Variants in ADCY2 observed in about 807,000 individuals in gnomAD.
ADCY2 encodes adenylate cyclase 2, also known as adenylate cyclase type 2.
ADCY2 carries 31 observed loss-of-function variants against 125.2 expected under a neutral mutation model. That is an observed-to-expected ratio of 0.25 (90% CI 0.19 to 0.33). The LOEUF is 0.33. Ranked by LOEUF, ADCY2 falls within the 10% of genes least tolerant of loss-of-function variation. ADCY2 has a pLI of 1.00. For missense variants in ADCY2, 904 were observed against 1,418.2 expected (o/e 0.64, Z 5.82); for synonymous variants, 512 against 548.4 (o/e 0.93, Z 0.93).
chr5:7,412,714 T>C (rs114541244), intron 1 of ADCY2, among the ~76,000 whole-genome samples: 1,715 of 152,320 alleles, frequency 0.011, 38 homozygotes, highest in African/African-American at 0.039. Flanking sequence ...ACTAGCCCCA[T>C]TCGGTTGAGT....
At chr5:7,523,315 TA>T (rs5865718) in intron 3 of ADCY2, among the ~76,000 whole-genome samples, 12,997 of 135,574 alleles carry the variant, frequency 0.096, 1,242 homozygotes, top group African/African-American at 0.26. Context: ...CCTGCATTGG[TA>T]AAAAAAAAAA....
At chr5:7,640,307 A>G (rs1479806510) in intron 4 of ADCY2, among the ~76,000 whole-genome samples, 5 of 152,182 alleles carry the variant, frequency 3.3e-5, no homozygotes, top group Non-Finnish European at 2.9e-5. Context: ...ACCAGATTCT[A>G]CCCTTTAAAG....
intron 21 of ADCY2, among the ~76,000 whole-genome samples, chr5:7,803,616 G>A (rs1744669367): frequency 2.0e-5 from 3 of 152,152 alleles, no homozygotes; most frequent in African/African-American, 4.8e-5. Flanking sequence ...AGTAGGGCTC[G>A]GGCCAGCTGT....
intron 17 of ADCY2, among the ~76,000 whole-genome samples, chr5:7,770,649 T>C (rs988221717): frequency 6.6e-6 from 1 of 152,190 alleles, no homozygotes; most frequent in Middle Eastern, 3.2e-3. Context: ...CAGGATTGCC[T>C]TGTTAAGATC....
At chr5:7,418,389 C>A (rs915239666) in intron 2 of ADCY2, among the ~76,000 whole-genome samples, 4 of 152,246 alleles carry the variant, frequency 2.6e-5, no homozygotes, top group African/African-American at 7.2e-5. Flanking sequence ...GTCTGCTAGG[C>A]CCTCTCACCC....
intron 2 of ADCY2, among the ~76,000 whole-genome samples, chr5:7,516,382 G>C (rs1744254515): frequency 6.6e-6 from 1 of 152,124 alleles, no homozygotes. Flanking sequence ...CTGTAAACTT[G>C]ATATCAGTCA....
At chr5:7,695,937 A>C (rs1740876748) in intron 6 of ADCY2, 74 bp downstream of exon 6, 2 of 948,370 alleles carry the variant, frequency 2.1e-6, no homozygotes, top group Non-Finnish European at 3.1e-6. Flanking sequence ...TCCACCTATC[A>C]ATAGTTTACT....
chr5:7,548,694 G>A (rs1051196067), intron 3 of ADCY2, among the ~76,000 whole-genome samples: 1 of 152,078 alleles, frequency 6.6e-6, no homozygotes, highest in African/African-American at 2.4e-5. Flanking sequence ...TGTTTTTTCA[G>A]GCTGAAGTGC....
intron 2 of ADCY2, among the ~76,000 whole-genome samples, chr5:7,427,459 G>T (rs1740426640): frequency 6.6e-6 from 1 of 152,156 alleles, no homozygotes; most frequent in South Asian, 2.1e-4. Context: ...AGTGCAAGAG[G>T]CTTATGAAAC....
Position 7,396,532 on chromosome 5 carries a change from C to T in ADCY2, c.210+26C>T. 3 of 1,540,994 alleles carry T rather than the reference C, an allele frequency of 1.9e-6. No individual in the cohort carries two copies. Among genetic ancestry groups the T allele is most frequent in the Non-Finnish European group, 2.6e-6 (3 of 1,146,000 alleles). ...GTGAGTGGCCTCCCCGCGGGTCCAG[C>T]GCCGCGCCTTCCCCGGCCCTGAGAG... On this transcript the variant is annotated intron_variant, in intron 1 of 24. Coordinates refer to ENST00000338316, the MANE Select transcript of ADCY2 (RefSeq NM_020546.3). The surrounding 1 kb of genome is among the most constrained non-coding windows in gnomAD (Gnocchi z 5.7).
Position 7,722,237 on chromosome 5 carries a change from C to T in ADCY2, c.1704-2308C>T, listed in dbSNP as rs888674501. On this transcript the variant is annotated intron_variant, in intron 12 of 24. Transcript: ENST00000338316. ...TAAGGCAAGGAAGCCTGATCCTGAGCCCTTGCCGTCCACCTGTAGGTCACA... is the reference window on the plus strand; with the variant it reads ...TAAGGCAAGGAAGCCTGATCCTGAGTCCTTGCCGTCCACCTGTAGGTCACA... 2.0e-5 allele frequency among the ~76,000 whole-genome samples: 3 copies of T among 152,232 alleles called. No individual in the cohort carries two copies. The South Asian group carries it at 6.2e-4, about 32-fold the overall frequency.
chr5:7,658,431 G>GTGTGTGTA (rs59664339), intron 4 of ADCY2, among the ~76,000 whole-genome samples: 47 of 143,014 alleles, frequency 3.3e-4, no homozygotes, highest in African/African-American at 1.2e-3. Context: ...GTGTGTGTGT[G>GTGTGTGTA]TATATATATA....
chr5:7,794,418 T>G (rs149674689), intron 20 of ADCY2: 1 of 152,280 alleles, frequency 6.6e-6, no homozygotes. Context: ...CAGGGGAGGT[T>G]TGCTAGCCAG....
At chr5:7,825,338 G>A (rs964404830) in intron 24 of ADCY2, among the ~76,000 whole-genome samples, 3 of 151,752 alleles carry the variant, frequency 2.0e-5, no homozygotes, top group Non-Finnish European at 4.4e-5. Flanking sequence ...TAACACTGCT[G>A]TGTGCTGTAA....
chr5:7,773,445 G>A (rs139425327), intron 18 of ADCY2, among the ~76,000 whole-genome samples: 105 of 152,254 alleles, frequency 6.9e-4, no homozygotes, highest in African/African-American at 2.5e-3. Flanking sequence ...CCTGTGCGTG[G>A]TAGGTAGGGT....
At chr5:7,621,278 A>T (rs1029403884) in intron 3 of ADCY2, among the ~76,000 whole-genome samples, 2 of 152,210 alleles carry the variant, frequency 1.3e-5, no homozygotes, top group African/African-American at 4.8e-5. Context: ...TGAACCAGTA[A>T]AGACTCCACA....
intron 20 of ADCY2, chr5:7,800,503 A>G (rs957419126): frequency 6.6e-6 from 1 of 152,166 alleles, no homozygotes; most frequent in Admixed American, 6.5e-5. Context: ...CTCTACTAAA[A>G]TAAAAAAAAT....
At chr5:7,660,139 A>G (rs1217351156) in intron 4 of ADCY2, among the ~76,000 whole-genome samples, 1 of 147,760 alleles carries the variant, frequency 6.8e-6, no homozygotes, top group Non-Finnish European at 1.5e-5. Context: ...CCCACATGCA[A>G]TTTACCCATT....
intron 2 of ADCY2, among the ~76,000 whole-genome samples, chr5:7,441,718 C>T (rs755187795): frequency 2.0e-5 from 3 of 152,128 alleles, no homozygotes; most frequent in Non-Finnish European, 4.4e-5. Context: ...AAACACACGT[C>T]TAGGTGTTGC....
Sources: allele counts gnomAD v4.1 joint callset (sites outside exome capture counted in the v4.1 genomes callset), GRCh38; gene constraint gnomAD v4.1.1; non-coding constraint Gnocchi (gnomAD v3.1); transcripts MANE v1.5; gene names NCBI Gene and HGNC (gene_info 2026-07-23, HGNC 2026-07-21).